MRE11: variants seen among roughly 807,000 people sequenced by gnomAD.
MRE11 encodes the protein double-strand break repair protein MRE11.
A neutral mutation model predicts 91.7 loss-of-function variants in MRE11; 62 were observed. The observed-to-expected ratio is 0.68, with a 90% confidence interval of 0.55 to 0.84. MRE11 has a LOEUF of 0.84. Ranked by LOEUF, MRE11 falls within the 40% of genes least tolerant of loss-of-function variation. The probability of loss-of-function intolerance (pLI) is 0.00; values close to 1 mark genes in which losing one functional copy is unlikely to be tolerated. For synonymous variants in MRE11, 273 were observed against 271.4 expected (o/e 1.01, Z -0.06); for missense variants, 796 against 852.9 (o/e 0.93, Z 0.83).
chr11:94,486,063 C>G lies in MRE11; in HGVS notation c.175G>C (p.Gly59Arg). Residue 59 changes from glycine to arginine, a missense_variant, in exon 4 of 20, where the codon GGT (glycine) becomes CGT (arginine). Coordinates refer to ENST00000323929, the MANE Select transcript of MRE11 (RefSeq NM_005591.4). ...GGCTTATTTTCATGAAAAAGATCAC[C>G]ACCTAACAAAATAAAATCCACCTGA... Reference protein sequence around the residue: ...ENEVDFILLGGDLFHENKPSR... With the variant: ...ENEVDFILLGRDLFHENKPSR... 1 of 1,613,584 alleles carries G rather than the reference C, an allele frequency of 6.2e-7. No homozygotes were observed. Among genetic ancestry groups the G allele is most frequent in the Non-Finnish European group, 8.5e-7 (1 of 1,179,840 alleles).
intron 10 of MRE11, chr11:94,466,606 T>C (rs1430926179): frequency 2.4e-6 from 1 of 412,830 alleles, no homozygotes; most frequent in Admixed American, 2.4e-5. Context: ...GGGATGCGGT[T>C]GCTCAAGGTC....
the MRE11 span, among the ~76,000 whole-genome samples, chr11:94,510,301 T>C: frequency 6.6e-6 from 1 of 152,252 alleles, no homozygotes; most frequent in Non-Finnish European, 1.5e-5. Flanking sequence ...AATATCTTCC[T>C]ATCTTTTTAA....
chr11:94,489,359 A>T (rs575806154), intron 3 of MRE11, among the ~76,000 whole-genome samples: 39 of 152,092 alleles, frequency 2.6e-4, no homozygotes, highest in African/African-American at 8.7e-4. Flanking sequence ...GTAGTAGGAG[A>T]TGAAGTTTCA....
In MRE11 at chr11:94,419,277, T is replaced by C. The variant is rs13447750; in HGVS notation, c.*848A>G. On this transcript the variant is annotated 3_prime_UTR_variant, in exon 20 of 20. Transcript: ENST00000323929. ...AAATCCTGGCATTGACATTCCACAT[T>C]AAATATATTTCTATACTTTACTGTA... is the stretch of plus-strand genomic sequence containing the variant. 1.9e-3 allele frequency: 438 copies of C among 233,014 alleles called. 1 individual carries two copies. The highest frequency in any genetic ancestry group is 0.012 in the Middle Eastern group (9 of 782). The allele number at this position is 233,014 out of a possible 1,614,324, so 14.4% of individuals were successfully genotyped here.
chr11:94,469,913 C>T (rs1946663278), intron 9 of MRE11, among the ~76,000 whole-genome samples: 1 of 152,134 alleles, frequency 6.6e-6, no homozygotes, highest in African/African-American at 2.4e-5. Context: ...TTATTAAATG[C>T]ATTAATCCAC....
Position 94,447,400 on chromosome 11 carries a change from C to T in MRE11, c.1602G>A (p.Glu534=), listed in dbSNP as rs143261434. 1 of 1,614,138 alleles carries T rather than the reference C, an allele frequency of 6.2e-7. No homozygotes were observed. The highest frequency in any genetic ancestry group is 1.3e-5 in the African/African-American group (1 of 75,034). The change falls in exon 15 of 20, where the codon GAG becomes GAA. Residue 534 remains glutamate, a synonymous_variant. Transcript: ENST00000323929. ...CAGCACTAAAGGCAGAAGCAGACTC[C>T]TCTGACTGAGATCTGAGTGCTCTGG... ...TRARALRSQS[E]ESASAFSADD...
At chr11:94,444,989 T>C (rs184545045) in intron 16 of MRE11, among the ~76,000 whole-genome samples, 10 of 152,338 alleles carry the variant, frequency 6.6e-5, no homozygotes, top group Admixed American at 2.6e-4. Context: ...CATTTTAGGC[T>C]GATCTCATCA....
At chr11:94,426,036 T>A (rs2134766053) in intron 19 of MRE11, among the ~76,000 whole-genome samples, 1 of 152,256 alleles carries the variant, frequency 6.6e-6, no homozygotes, top group Middle Eastern at 3.4e-3. Flanking sequence ...ATTCTTCCCA[T>A]CTACACACAG....
At chr11:94,492,027 T>C (rs1305054317) in intron 2 of MRE11, among the ~76,000 whole-genome samples, 1 of 152,184 alleles carries the variant, frequency 6.6e-6, no homozygotes, top group Non-Finnish European at 1.5e-5. Context: ...AATGGCAAAA[T>C]TGAGGCAAGG....
In MRE11 at chr11:94,476,339, T is replaced by C; in HGVS notation, c.609A>G (p.Pro203=). The change falls in exon 7 of 20, where the codon CCA becomes CCG. Residue 203 remains proline (P), a synonymous_variant. Transcript: ENST00000323929. Reference sequence around the variant, plus strand: ...TAAACCAAGAGTTCTCATCTTCCTTTGGTCTCAACATTGTTACTTTTTTAT... The same window carrying C: ...TAAACCAAGAGTTCTCATCTTCCTTCGGTCTCAACATTGTTACTTTTTTAT... The part of the protein sequence containing the change: ...FVNKKVTMLR[P]KEDENSWFNL... The C allele has an allele frequency of 6.2e-7, 1 of 1,613,638 alleles. No individual in the cohort carries two copies.
intron 15 of MRE11, 39 bp from the exon 16 acceptor site, chr11:94,445,932 G>T: frequency 7.1e-7 from 1 of 1,410,468 alleles, no homozygotes; most frequent in South Asian, 1.1e-5. Flanking sequence ...AAGCCTATCA[G>T]CAGCTAAGGT....
the MRE11 span, among the ~76,000 whole-genome samples, chr11:94,510,775 A>AT: frequency 6.6e-6 from 1 of 152,236 alleles, no homozygotes. Context: ...AAGCCAAGGC[A>AT]TGTTGGCAGT....
Position 94,444,201 on chromosome 11 carries a change from G to A in MRE11, c.1867+1609C>T, listed in dbSNP as rs183986253. 2.4e-3 allele frequency among the ~76,000 whole-genome samples: 362 copies of A among 152,204 alleles called. 1 individual carries two copies. The highest frequency in any genetic ancestry group is 5.1e-3 in the Admixed American group (78 of 15,282). On this transcript the variant is annotated intron_variant, in intron 16 of 19. Transcript: ENST00000323929. Reference sequence around the variant, plus strand: ...TAGGATTATAGGCATGAGCCACTGCGCCTGGCCAACCATTTTTTATATTAT... The same window carrying A: ...TAGGATTATAGGCATGAGCCACTGCACCTGGCCAACCATTTTTTATATTAT...
chr11:94,441,032 G>T (rs1456363451), intron 16 of MRE11, among the ~76,000 whole-genome samples: 1 of 152,142 alleles, frequency 6.6e-6, no homozygotes, highest in Non-Finnish European at 1.5e-5. Flanking sequence ...TACCCATGAA[G>T]ATGCCAATTC....
chr11:94,448,816 A>G lies in MRE11; in HGVS notation c.1564-1378T>C, dbSNP rs188258173. Among the ~76,000 whole-genome samples, 359 of 152,310 alleles carry G rather than the reference A, an allele frequency of 2.4e-3. 2 individuals are homozygous for G. Among genetic ancestry groups the G allele is most frequent in the African/African-American group, 8.2e-3 (340 of 41,568 alleles). On this transcript the variant is annotated intron_variant, in intron 14 of 19. Coordinates refer to ENST00000323929, the MANE Select transcript of MRE11 (RefSeq NM_005591.4). ...CACCAAAAAATAAAATAAAATATAA[A>G]TAAAAGCAATTTTGCCTTGATCTTC...
chr11:94,476,247 G>T, intron 7 of MRE11, 42 bp downstream of exon 7: 2 of 1,272,932 alleles, frequency 1.6e-6, no homozygotes, highest in Non-Finnish European at 2.3e-6. Flanking sequence ...GATTTGGGAA[G>T]CCTCAGCACT....
chr11:94,441,161 G>A (rs1177878064), intron 16 of MRE11, among the ~76,000 whole-genome samples: 1 of 152,156 alleles, frequency 6.6e-6, no homozygotes, highest in Non-Finnish European at 1.5e-5. Flanking sequence ...GCTGCAAAGG[G>A]GGAAGCAGTA....
chr11:94,476,867 G>T (rs956250166), intron 6 of MRE11, among the ~76,000 whole-genome samples: 1 of 152,036 alleles, frequency 6.6e-6, no homozygotes, highest in African/African-American at 2.4e-5. Context: ...ATTACAGCAT[G>T]CACCACCACG....
upstream of MRE11, among the ~76,000 whole-genome samples, chr11:94,494,944 A>G (rs1947388968): frequency 6.6e-6 from 1 of 152,196 alleles, no homozygotes; most frequent in South Asian, 2.1e-4. Flanking sequence ...TTTGAGAATC[A>G]AAGAAAAAGT....
Sources: allele counts gnomAD v4.1 joint callset (sites outside exome capture counted in the v4.1 genomes callset), GRCh38; gene constraint gnomAD v4.1.1; transcripts MANE v1.5; gene names NCBI Gene and HGNC (gene_info 2026-07-23, HGNC 2026-07-21).